The following CSMD1 variants were observed in gnomAD, a reference collection of about 807,000 sequenced individuals.
CSMD1 encodes the protein CUB and Sushi multiple domains 1.
In CSMD1, 213 loss-of-function variants were observed where a neutral mutation model predicts 417.5. The observed-to-expected ratio is 0.51, with a 90% CI of 0.46 to 0.57. The LOEUF is 0.57. CSMD1 is among the 20% of genes least tolerant of loss of function. The pLI, the probability that CSMD1 is intolerant of heterozygous loss-of-function variation, is 0.00. For missense variants in CSMD1, 6,923 were observed against 4,529.7 expected, an observed-to-expected ratio of 1.53 and a Z score of -15.17; for synonymous variants, 2,862 against 1,736.8, an observed-to-expected ratio of 1.65 and a Z score of -16.11.
intron 11 of CSMD1, among the ~76,000 whole-genome samples, chr8:3,475,505 T>C (rs1817356166): frequency 6.6e-6 from 1 of 152,254 alleles, no homozygotes; most frequent in Admixed American, 6.5e-5. Context: ...TGGAGTTCTG[T>C]GATGGCTCTG....
At chr8:4,108,403 T>C (rs4242493) in intron 3 of CSMD1, among the ~76,000 whole-genome samples, 79,288 of 151,990 alleles carry the variant, frequency 0.52, 21,160 homozygotes, top group Non-Finnish European at 0.58. Context: ...ACCATGTTCA[T>C]AGCATACGAC....
At chr8:3,918,294 G>A (rs555296708) in intron 5 of CSMD1, among the ~76,000 whole-genome samples, 1 of 152,060 alleles carries the variant, frequency 6.6e-6, no homozygotes, top group South Asian at 2.1e-4. Context: ...TTTTCATAAG[G>A]ACTGAGCCAA....
chr8:3,967,898 T>C (rs1379706459), intron 5 of CSMD1, among the ~76,000 whole-genome samples: 1 of 150,388 alleles, frequency 6.6e-6, no homozygotes, highest in Non-Finnish European at 1.5e-5. Flanking sequence ...CCGGGCGCAG[T>C]GGCTCACACG....
intron 1 of CSMD1, among the ~76,000 whole-genome samples, chr8:4,725,928 CTCCAGTAGATACACGGCA>C (rs1809406603): frequency 6.6e-6 from 1 of 152,048 alleles, no homozygotes; most frequent in Admixed American, 6.6e-5. Context: ...CTTTGACACT[CTCCAGTAGATACACGGCA>C]TTCGTCAAGA....
intron 3 of CSMD1, among the ~76,000 whole-genome samples, chr8:4,152,112 G>A (rs1398866861): frequency 2.6e-5 from 4 of 152,032 alleles, no homozygotes; most frequent in African/African-American, 7.2e-5. Context: ...GTAATATACA[G>A]GAAATTGTAT....
At position 4,463,712 on chromosome 8, in the gene CSMD1, G is replaced by A. The variant is rs566780114; in HGVS notation, c.303-43647C>T. Among the ~76,000 whole-genome samples, 9 of 152,244 alleles carry A rather than the reference G, an allele frequency of 5.9e-5. No individual in the cohort carries two copies. The East Asian group carries it at 1.5e-3, about 26-fold the overall frequency. ...CCAGAATAGGCCAATCCCTAGAGAC[G>A]AAAATAAATTAGTGTTTCCTTTGGG... On this transcript the variant is annotated intron_variant, in intron 2 of 69. Transcript: ENST00000635120.
chr8:4,275,062 CT>C (rs1399552695), intron 3 of CSMD1, among the ~76,000 whole-genome samples: 28 of 152,210 alleles, frequency 1.8e-4, no homozygotes, highest in African/African-American at 6.5e-4. Context: ...AGAAATTCTT[CT>C]AACAATGAGA....
At chr8:4,292,236 T>A (rs1216656045) in intron 3 of CSMD1, among the ~76,000 whole-genome samples, 1 of 151,968 alleles carries the variant, frequency 6.6e-6, no homozygotes, top group Non-Finnish European at 1.5e-5. Flanking sequence ...AAGAATTTTG[T>A]TGTCGTCGTT....
chr8:3,889,960 A>G (rs796896480), intron 5 of CSMD1, among the ~76,000 whole-genome samples: 5 of 152,170 alleles, frequency 3.3e-5, no homozygotes, highest in African/African-American at 1.2e-4. Context: ...AGGTGGGAGG[A>G]TTGCTTGAAC....
intron 1 of CSMD1, among the ~76,000 whole-genome samples, chr8:4,727,206 A>G (rs981414210): frequency 3.3e-5 from 5 of 152,166 alleles, no homozygotes; most frequent in Non-Finnish European, 5.9e-5. Context: ...GGACTGATCA[A>G]TGATGAAGAG....
intron 2 of CSMD1, among the ~76,000 whole-genome samples, chr8:4,500,901 G>A (rs1802228602): frequency 6.6e-6 from 1 of 152,090 alleles, no homozygotes; most frequent in African/African-American, 2.4e-5. Flanking sequence ...CTAAACAAAG[G>A]TGTTTGTATA....
At chr8:4,770,010 G>C (rs1006235939) in intron 1 of CSMD1, among the ~76,000 whole-genome samples, 1 of 151,798 alleles carries the variant, frequency 6.6e-6, no homozygotes, top group Non-Finnish European at 1.5e-5. Flanking sequence ...TTTGCAGAAA[G>C]ACATTATTCT....
intron 1 of CSMD1, among the ~76,000 whole-genome samples, chr8:4,866,333 C>G (rs1802417193): frequency 6.6e-6 from 1 of 151,936 alleles, no homozygotes; most frequent in Non-Finnish European, 1.5e-5. Flanking sequence ...CCAGAGATTT[C>G]TTTACAAACT....
intron 2 of CSMD1, among the ~76,000 whole-genome samples, chr8:4,479,767 C>A (rs1056806015): frequency 6.6e-6 from 1 of 151,710 alleles, no homozygotes; most frequent in Non-Finnish European, 1.5e-5. Context: ...GAAGCTAATT[C>A]TCTACTGAGA....
chr8:3,950,194 A>G (rs1237100348), intron 5 of CSMD1, among the ~76,000 whole-genome samples: 4 of 152,224 alleles, frequency 2.6e-5, no homozygotes, highest in Admixed American at 2.0e-4. Context: ...AGAGGCCACG[A>G]TCCAATACTG....
intron 2 of CSMD1, among the ~76,000 whole-genome samples, chr8:4,586,548 T>C (rs1015001655): frequency 2.6e-5 from 4 of 152,088 alleles, no homozygotes; most frequent in Non-Finnish European, 5.9e-5. Context: ...TCAATGTTTT[T>C]ATGGACGTAA....
At chr8:4,317,559 T>C (rs1451319658) in intron 3 of CSMD1, among the ~76,000 whole-genome samples, 2 of 151,972 alleles carry the variant, frequency 1.3e-5, no homozygotes, top group Admixed American at 1.3e-4. Flanking sequence ...AGATTTAAAG[T>C]GTCCAAGTTA....
In CSMD1 at chr8:4,720,174, A is replaced by G. The variant is rs1017276286; in HGVS notation, c.86-82616T>C. ...AGACGTATACATACATATAACATAT[A>G]TATATATATATTTATATTTCATATA... On this transcript the variant is annotated intron_variant, in intron 1 of 69. Transcript: ENST00000635120. Among the ~76,000 whole-genome samples, 446 of 150,554 alleles carry G rather than the reference A, an allele frequency of 3.0e-3. 2 individuals carry two copies. The highest frequency in any genetic ancestry group is 3.9e-3 in the Admixed American group (59 of 15,108).
At chr8:4,142,593 T>C (rs1290465498) in intron 3 of CSMD1, among the ~76,000 whole-genome samples, 1 of 151,236 alleles carries the variant, frequency 6.6e-6, no homozygotes, top group Non-Finnish European at 1.5e-5. Flanking sequence ...CACGTTTTTT[T>C]CAATTGCTAG....
Sources: gnomAD v4.1 joint callset for allele counts (sites outside exome capture counted in the v4.1 genomes callset) on GRCh38, gnomAD v4.1.1 for gene constraint, MANE v1.5 for transcripts, NCBI Gene and HGNC (gene_info 2026-07-23, HGNC 2026-07-21) for gene names.